SYPL1: variants seen among roughly 807,000 people sequenced by gnomAD.
The protein encoded by SYPL1 is synaptophysin like 1.
A neutral mutation model predicts 23.7 loss-of-function variants in SYPL1; 6 were observed. The ratio of observed to expected loss-of-function variants is 0.25; its 90% CI spans 0.14 to 0.50. SYPL1 has a LOEUF of 0.50. Ranked by LOEUF, SYPL1 falls within the 20% of genes least tolerant of loss-of-function variation. SYPL1 has a pLI of 0.98. For synonymous variants in SYPL1, 102 were observed against 104.5 expected, an observed-to-expected ratio of 0.98 and a Z score of 0.15; for missense variants, 253 against 288.9, an observed-to-expected ratio of 0.88 and a Z score of 0.90.
Position 106,091,664 on chromosome 7 carries a change from G to T in SYPL1, c.*141C>A. The stretch of plus-strand genomic sequence containing the variant: ...TTTCTAGGAAAGGCACAGGCTTTAT[G>T]TAAAAAAGCAGCAAAGTTTTAAACC... On this transcript the variant is annotated 3_prime_UTR_variant, in exon 5 of 5. Coordinates refer to ENST00000455385, the MANE Select transcript of SYPL1 (RefSeq NM_182715.4). The surrounding 1 kb of genome is among the most constrained non-coding windows in gnomAD (Gnocchi z 5.0). The T allele has an allele frequency of 2.4e-6, 2 of 841,290 alleles. No individual in the cohort carries two copies. Among genetic ancestry groups the T allele is most frequent in the Non-Finnish European group, 3.3e-6 (2 of 597,942 alleles). The allele number at this position is 841,290 out of a possible 1,614,324, so 52.1% of individuals were successfully genotyped here.
rs752193531 is a variant in SYPL1 at position 106,093,033 on chromosome 7, A to G, written c.507T>C (p.Ile169=). The G allele has an allele frequency of 6.2e-7, 1 of 1,613,954 alleles. No homozygotes were observed. The highest frequency in any genetic ancestry group is 1.1e-5 in the South Asian group (1 of 91,058). The part of the protein sequence containing the change: ...DIKIATGHNI[I]DELPPCKKKA... Reference sequence around the variant, plus strand: ...TCTTCTTACAAGGCGGAAGTTCATCAATAATATTGTGACCAGTAGCTATTT... The same window carrying G: ...TCTTCTTACAAGGCGGAAGTTCATCGATAATATTGTGACCAGTAGCTATTT... Residue 169 remains isoleucine (I), a synonymous_variant, in exon 4 of 5, where the codon ATT becomes ATC. Coordinates refer to ENST00000455385, the MANE Select transcript of SYPL1 (RefSeq NM_182715.4).
intron 1 of SYPL1, among the ~76,000 whole-genome samples, chr7:106,108,732 T>C (rs535776231): frequency 1.1e-4 from 16 of 152,272 alleles, no homozygotes; most frequent in African/African-American, 3.4e-4. Context: ...ATTACCAAAT[T>C]TGGGAATAGT....
chr7:106,101,469 C>CAA (rs1840317793), intron 1 of SYPL1, among the ~76,000 whole-genome samples: 3 of 73,068 alleles, frequency 4.1e-5, no homozygotes, highest in African/African-American at 6.0e-5. Context: ...CCCCCCCCCA[C>CAA]AAAAAAGATA....
At chr7:106,101,737 G>A (rs1334281072) in intron 1 of SYPL1, among the ~76,000 whole-genome samples, 2 of 148,662 alleles carry the variant, frequency 1.3e-5, no homozygotes, top group Non-Finnish European at 3.0e-5. Context: ...AGAGTGAAAA[G>A]GCCAGAAAAT....
In SYPL1 at chr7:106,096,997, TTGAGCCCAGGAGTTTGAGACCAGCCTGG is replaced by T. The variant is rs1840047633; in HGVS notation, c.402+665_402+692del. Reference sequence around the variant, plus strand: ...TGGGAGGCCAAGGCAGGCAGATCACTTGAGCCCAGGAGTTTGAGACCAGCCTGGGCAACATGGTAAAACTTCGTCTTTA... The same window carrying T: ...TGGGAGGCCAAGGCAGGCAGATCACTGCAACATGGTAAAACTTCGTCTTTA... On this transcript the variant is annotated intron_variant, in intron 3 of 4. Coordinates refer to ENST00000455385, the MANE Select transcript of SYPL1 (RefSeq NM_182715.4). This position sits in a 1 kb window ranked among gnomAD's most constrained non-coding sequence, Gnocchi z 4.4. 6.7e-6 allele frequency among the ~76,000 whole-genome samples: 1 copy of T among 148,920 alleles called. No homozygotes were observed. The highest frequency in any genetic ancestry group is 1.5e-5 in the Non-Finnish European group (1 of 68,022).
At chr7:106,102,328 T>C (rs1473339902) in intron 1 of SYPL1, among the ~76,000 whole-genome samples, 1 of 152,200 alleles carries the variant, frequency 6.6e-6, no homozygotes, top group Non-Finnish European at 1.5e-5. Flanking sequence ...GCTCCTGACC[T>C]CCGGTGATCC....
Position 106,097,629 on chromosome 7 carries a change from A to G in SYPL1, c.402+61T>C. ...CAAGAATTTTTATTTCCAGTATAAG[A>G]AAATCTATATTTAGCTTATACAAAT... On this transcript the variant is annotated intron_variant, in intron 3 of 4. Transcript: ENST00000455385. This position sits in a 1 kb window ranked among gnomAD's most constrained non-coding sequence, Gnocchi z 4.6. The G allele has an allele frequency of 7.1e-7, 1 of 1,418,082 alleles. No homozygotes were observed. The highest frequency in any genetic ancestry group is 2.3e-5 in the Admixed American group (1 of 43,574). The allele number at this position is 1,418,082 out of a possible 1,614,324, so 87.8% of individuals were successfully genotyped here. A position where few individuals can be genotyped will look rare whatever the true frequency, so the allele number is the denominator to read the frequency against.
At position 106,090,541 on chromosome 7, in the gene SYPL1, A is replaced by AGAT. The variant is rs1839675942; in HGVS notation, c.*1261_*1263dup. 6.5e-6 allele frequency: 1 copy of AGAT among 152,676 alleles called. No individual in the cohort carries two copies. Among genetic ancestry groups the AGAT allele is most frequent in the Non-Finnish European group, 1.5e-5 (1 of 68,044 alleles). The allele number at this position is 152,676 out of a possible 1,614,324, so 9.5% of individuals were successfully genotyped here. On this transcript the variant is annotated 3_prime_UTR_variant, in exon 5 of 5. Coordinates refer to ENST00000455385, the MANE Select transcript of SYPL1 (RefSeq NM_182715.4). ...TCCTTTATTAAATTGGTTGCAAAAA[A>AGAT]GATATACATTCTTATATTGACAATT...
Position 106,093,150 on chromosome 7 carries a change from TC to T in SYPL1, c.403-14del. The T allele has an allele frequency of 6.3e-7, 1 of 1,575,612 alleles. No homozygotes were observed. Among genetic ancestry groups the T allele is most frequent in the Non-Finnish European group, 8.6e-7 (1 of 1,163,724 alleles). Reference sequence around the variant, plus strand: ...TAACAACAAAGTCCTAAAGCAAAAATCAGTAAGAGTTAATAATGAACAGTTA... The same window carrying T: ...TAACAACAAAGTCCTAAAGCAAAAATAGTAAGAGTTAATAATGAACAGTTA... On this transcript the variant is annotated splice_polypyrimidine_tract_variant and intron_variant, in intron 3 of 4. Coordinates refer to ENST00000455385, the MANE Select transcript of SYPL1 (RefSeq NM_182715.4).
At chr7:106,112,383 G>T, upstream of SYPL1, 4 of 1,314,632 alleles carry the variant, frequency 3.0e-6, no homozygotes, top group Non-Finnish European at 3.9e-6. Context: ...CGGTTGAGCT[G>T]CTGGCTGAGA....
intron 1 of SYPL1, among the ~76,000 whole-genome samples, chr7:106,110,231 C>T (rs1007135286): frequency 6.6e-6 from 1 of 152,140 alleles, no homozygotes; most frequent in African/African-American, 2.4e-5. Context: ...CCAACTAACC[C>T]CCAATTACTT....
chr7:106,110,998 A>G (rs1015994245), intron 1 of SYPL1, among the ~76,000 whole-genome samples: 3 of 152,218 alleles, frequency 2.0e-5, no homozygotes, highest in Admixed American at 6.5e-5. Flanking sequence ...AAAAAAATCA[A>G]GTATATTTAT....
At chr7:106,092,059 C>A in intron 4 of SYPL1, 120 bp from the exon 5 acceptor site, 5 of 976,796 alleles carry the variant, frequency 5.1e-6, no homozygotes, top group Non-Finnish European at 5.9e-6. Flanking sequence ...GCCATTATTT[C>A]ACTTAAAGTT....
At chr7:106,099,544 C>A (rs1267287869) in intron 1 of SYPL1, among the ~76,000 whole-genome samples, 1 of 152,060 alleles carries the variant, frequency 6.6e-6, no homozygotes, top group Non-Finnish European at 1.5e-5. Flanking sequence ...GTGTGCATCA[C>A]CACACCTGGC....
At position 106,093,124 on chromosome 7, in the gene SYPL1, G is replaced by T; in HGVS notation, c.416C>A (p.Thr139Lys). The change falls in exon 4 of 5, where the codon ACA (threonine) becomes AAA (lysine). Residue 139 changes from threonine to lysine, a missense_variant. Transcript: ENST00000455385. ...RKLPMIDFVV[T>K]LVATFLWLVS... ...CAACCACAAAAAAGTGGCAACAAGT[G>T]TAACAACAAAGTCCTAAAGCAAAAA... 6.2e-7 allele frequency: 1 copy of T among 1,604,094 alleles called. No homozygotes were observed. Among genetic ancestry groups the T allele is most frequent in the East Asian group, 2.2e-5 (1 of 44,736 alleles).
chr7:106,105,997 A>ATAC (rs1840576618), intron 1 of SYPL1, among the ~76,000 whole-genome samples: 1 of 152,256 alleles, frequency 6.6e-6, no homozygotes, highest in Non-Finnish European at 1.5e-5. Flanking sequence ...GGAAGCATTC[A>ATAC]TACTACTCTA....
chr7:106,112,399 G>A (rs1585947541), upstream of SYPL1: 28 of 1,370,950 alleles, frequency 2.0e-5, 1 homozygote, highest in Middle Eastern at 7.7e-4. Flanking sequence ...TGAGACTCTG[G>A]GGCGGAAACG....
Position 106,093,148 on chromosome 7 carries a change from A to T in SYPL1, c.403-11T>A. On this transcript the variant is annotated splice_polypyrimidine_tract_variant and intron_variant, in intron 3 of 4. Coordinates refer to ENST00000455385, the MANE Select transcript of SYPL1 (RefSeq NM_182715.4). ...TGTAACAACAAAGTCCTAAAGCAAA[A>T]ATCAGTAAGAGTTAATAATGAACAG... The T allele has an allele frequency of 6.3e-7, 1 of 1,581,682 alleles. No homozygotes were observed.
In SYPL1 at chr7:106,105,654, C is replaced by T. The variant is rs150861485; in HGVS notation, c.70-6372G>A. On this transcript the variant is annotated intron_variant, in intron 1 of 4. Coordinates refer to ENST00000455385, the MANE Select transcript of SYPL1 (RefSeq NM_182715.4). ...ATATGTAAACTTCTATTTAGATCTA[C>T]TTTCAGACTTAAATAAGGAATTGAA... Among the ~76,000 whole-genome samples the T allele has an allele frequency of 9.9e-5, 15 of 151,964 alleles. No homozygotes were observed. The East Asian group carries it at 2.9e-3, about 29-fold the overall frequency.
Sources: gnomAD v4.1 joint callset for allele counts (sites outside exome capture counted in the v4.1 genomes callset) on GRCh38, gnomAD v4.1.1 for gene constraint, Gnocchi (gnomAD v3.1) non-coding constraint, MANE v1.5 for transcripts, NCBI Gene and HGNC (gene_info 2026-07-23, HGNC 2026-07-21) for gene names.